The following NRG3 variants were observed in gnomAD, a reference collection of about 807,000 sequenced individuals.
NRG3 encodes pro-neuregulin-3, membrane-bound isoform.
A neutral mutation model predicts 66.9 loss-of-function variants in NRG3; 31 were observed. The ratio of observed to expected loss-of-function variants is 0.46; its 90% CI spans 0.35 to 0.63. NRG3 has a LOEUF of 0.63. Ranked by LOEUF, NRG3 falls within the 20% of genes least tolerant of loss-of-function variation. NRG3 has a pLI of 0.00. For missense variants in NRG3, 910 were observed against 878.9 expected (o/e 1.04, Z -0.45); for synonymous variants, 393 against 359.4 (o/e 1.09, Z -1.06).
intron 2 of NRG3, among the ~76,000 whole-genome samples, chr10:82,466,800 A>C (rs1343355713): frequency 1.3e-5 from 2 of 152,038 alleles, no homozygotes; most frequent in Non-Finnish European, 2.9e-5. Flanking sequence ...CACAGGAGGA[A>C]CATGGCATAG....
chr10:82,752,467 CGCTTTTTCATCTA>C (rs2058906977), intron 3 of NRG3, among the ~76,000 whole-genome samples: 1 of 152,114 alleles, frequency 6.6e-6, no homozygotes, highest in Non-Finnish European at 1.5e-5. Flanking sequence ...TTCCACATCT[CGCTTTTTCATCTA>C]GCAATGATCT....
At chr10:82,515,356 TA>T (rs1845558487) in intron 2 of NRG3, among the ~76,000 whole-genome samples, 1 of 152,236 alleles carries the variant, frequency 6.6e-6, no homozygotes, top group African/African-American at 2.4e-5. Context: ...ATGTATGCTC[TA>T]TCTTCATCTG....
intron 4 of NRG3, among the ~76,000 whole-genome samples, chr10:82,904,213 T>G (rs1477267625): frequency 6.6e-6 from 1 of 152,200 alleles, no homozygotes; most frequent in South Asian, 2.1e-4. Flanking sequence ...TTTTGTGATT[T>G]TTTTTAGCTC....
At chr10:82,650,198 T>C (rs1032374374) in intron 2 of NRG3, among the ~76,000 whole-genome samples, 4 of 152,196 alleles carry the variant, frequency 2.6e-5, no homozygotes, top group Non-Finnish European at 5.9e-5. Context: ...TGTATGTGTA[T>C]GTCTCCCTTT....
Position 82,132,506 on chromosome 10 carries a change from A to ATATATATATAT in NRG3, c.824-226224_824-226223insATTATATATAT, listed in dbSNP as rs1564593726. 6.2e-4 allele frequency among the ~76,000 whole-genome samples: 5 copies of ATATATATATAT among 8,042 alleles called. 1 individual carries two copies. The highest frequency in any genetic ancestry group is 9.7e-4 in the Non-Finnish European group (3 of 3,078). 5.3% of individuals were successfully genotyped at this position (8,042 alleles called of 152,430 possible). ...TATATATATATGATATATATATATC[A>ATATATATATAT]TATATATATGATATATATGATATAT... On this transcript the variant is annotated intron_variant, in intron 1 of 8. Coordinates refer to ENST00000372141, the MANE Select transcript of NRG3 (RefSeq NM_001010848.4).
At chr10:82,251,845 A>G (rs981316617) in intron 1 of NRG3, among the ~76,000 whole-genome samples, 2 of 152,246 alleles carry the variant, frequency 1.3e-5, no homozygotes, top group East Asian at 3.9e-4. Flanking sequence ...CTGGCAGTGC[A>G]ATCTCCCTGT....
chr10:82,422,246 G>A lies in NRG3; in HGVS notation c.953+63378G>A, dbSNP rs187931792. 3.5e-3 allele frequency among the ~76,000 whole-genome samples: 532 copies of A among 152,148 alleles called. 2 individuals carry two copies. Among genetic ancestry groups the A allele is most frequent in the Non-Finnish European group, 5.8e-3 (397 of 67,948 alleles). On this transcript the variant is annotated intron_variant, in intron 2 of 8. Transcript: ENST00000372141. ...AAAGATGCTTATATGTGTGTTTGGG[G>A]AAAGGGATAAGAAAATGTAGAGAAA...
chr10:82,821,016 A>G (rs747473627), intron 3 of NRG3, among the ~76,000 whole-genome samples: 1 of 152,218 alleles, frequency 6.6e-6, no homozygotes, highest in Non-Finnish European at 1.5e-5. Flanking sequence ...AATACTTTCG[A>G]AGACTGAATA....
chr10:82,061,842 T>TTCTCTCTGTC (rs2064159349), intron 1 of NRG3, among the ~76,000 whole-genome samples: 1 of 146,824 alleles, frequency 6.8e-6, no homozygotes, highest in Non-Finnish European at 1.5e-5. Flanking sequence ...CAGTGTCCCT[T>TTCTCTCTGTC]TCTCTCTCTC....
intron 2 of NRG3, among the ~76,000 whole-genome samples, chr10:82,572,317 T>C (rs922969130): frequency 1.3e-5 from 2 of 151,644 alleles, no homozygotes; most frequent in Non-Finnish European, 3.0e-5. Context: ...TATTTAGGAT[T>C]GTGCAACAAA....
chr10:82,317,470 G>T (rs1431320185), intron 1 of NRG3, among the ~76,000 whole-genome samples: 2 of 152,146 alleles, frequency 1.3e-5, no homozygotes, highest in South Asian at 4.1e-4. Flanking sequence ...CAGTCTTCAA[G>T]AATTGTCTAT....
intron 1 of NRG3, among the ~76,000 whole-genome samples, chr10:82,351,040 C>T (rs927366782): frequency 2.6e-5 from 4 of 152,170 alleles, no homozygotes; most frequent in African/African-American, 7.2e-5. Context: ...TACAGGCGCC[C>T]GCCACCATGC....
At chr10:82,714,741 G>A (rs906313480) in intron 2 of NRG3, among the ~76,000 whole-genome samples, 10 of 152,202 alleles carry the variant, frequency 6.6e-5, no homozygotes, top group African/African-American at 2.2e-4. Context: ...TTTTTAATTA[G>A]CAATGTATAT....
chr10:82,931,666 T>C (rs1161260968), intron 4 of NRG3, among the ~76,000 whole-genome samples: 5 of 152,156 alleles, frequency 3.3e-5, no homozygotes, highest in African/African-American at 9.7e-5. Flanking sequence ...AAGGTTATTG[T>C]TAGGGCTTTT....
chr10:82,309,777 A>G (rs2080929111), intron 1 of NRG3, among the ~76,000 whole-genome samples: 1 of 152,316 alleles, frequency 6.6e-6, no homozygotes, highest in South Asian at 2.1e-4. Flanking sequence ...TCGGGGAGGT[A>G]AGGATCCAGG....
chr10:82,536,493 G>A (rs992737693), intron 2 of NRG3, among the ~76,000 whole-genome samples: 1 of 152,130 alleles, frequency 6.6e-6, no homozygotes, highest in Non-Finnish European at 1.5e-5. Context: ...ATATGTGGGG[G>A]ATGGGGAATT....
At chr10:82,570,248 C>T (rs192205257) in intron 2 of NRG3, among the ~76,000 whole-genome samples, 156 of 151,754 alleles carry the variant, frequency 1.0e-3, no homozygotes, top group Middle Eastern at 0.01. Flanking sequence ...GGTTAAATTC[C>T]TTAACCTGGC....
chr10:82,387,749 C>A (rs1256582384), intron 2 of NRG3, among the ~76,000 whole-genome samples: 1 of 152,050 alleles, frequency 6.6e-6, no homozygotes, highest in Non-Finnish European at 1.5e-5. Context: ...GAAAGACTTT[C>A]CATTAAAAAT....
chr10:82,076,810 A>G (rs987707569), intron 1 of NRG3, among the ~76,000 whole-genome samples: 1 of 152,208 alleles, frequency 6.6e-6, no homozygotes. Context: ...AGCCTGCAGA[A>G]CCGTCAGTCA....
Sources: allele counts gnomAD v4.1 joint callset (sites outside exome capture counted in the v4.1 genomes callset), GRCh38; gene constraint gnomAD v4.1.1; transcripts MANE v1.5; gene names NCBI Gene and HGNC (gene_info 2026-07-23, HGNC 2026-07-21).